Variants in BCAR3 observed in about 807,000 individuals in gnomAD.
The protein encoded by BCAR3 is breast cancer anti-estrogen resistance protein 3.
A neutral mutation model predicts 80.1 loss-of-function variants in BCAR3; 37 were observed. The observed-to-expected ratio is 0.46, with a 90% CI of 0.36 to 0.61. The LOEUF (loss-of-function observed/expected upper bound fraction) is 0.61. BCAR3 is among the 20% of genes least tolerant of loss of function. BCAR3 has a pLI of 0.00. For synonymous variants in BCAR3, 389 were observed against 418.9 expected (o/e 0.93, Z 0.87); for missense variants, 978 against 1,068.2 (o/e 0.92, Z 1.18).
chr1:93,842,030 T>C (rs528425254), intron 2 of BCAR3, among the ~76,000 whole-genome samples: 1 of 152,316 alleles, frequency 6.6e-6, no homozygotes, highest in South Asian at 2.1e-4. Flanking sequence ...GCAGCCTCCC[T>C]GTGTAATTCC....
At chr1:93,566,106 T>C (rs943795175) in intron 11 of BCAR3, among the ~76,000 whole-genome samples, 1 of 152,154 alleles carries the variant, frequency 6.6e-6, no homozygotes, top group Non-Finnish European at 1.5e-5. Context: ...GCCACGGTCT[T>C]ATGTGGAAGG....
At chr1:93,669,365 CTT>C (rs1648096258) in intron 2 of BCAR3, among the ~76,000 whole-genome samples, 1 of 152,222 alleles carries the variant, frequency 6.6e-6, no homozygotes, top group South Asian at 2.1e-4. Flanking sequence ...GACCTTACAT[CTT>C]TGCTTCAACC....
intron 5 of BCAR3, among the ~76,000 whole-genome samples, chr1:93,585,635 G>GTC (rs1447422758): frequency 6.6e-6 from 1 of 152,102 alleles, no homozygotes; most frequent in Non-Finnish European, 1.5e-5. Context: ...CAGAAGAAAA[G>GTC]GTACCCCTTC....
intron 3 of BCAR3, among the ~76,000 whole-genome samples, chr1:93,698,651 T>C (rs1334621342): frequency 6.6e-6 from 1 of 151,974 alleles, no homozygotes; most frequent in Non-Finnish European, 1.5e-5. Context: ...CTGAGTGGGG[T>C]GGAGGATACT....
chr1:93,570,412 C>G (rs889872902), intron 9 of BCAR3, among the ~76,000 whole-genome samples: 1 of 152,158 alleles, frequency 6.6e-6, no homozygotes, highest in Non-Finnish European at 1.5e-5. Context: ...CTCAAGTCCT[C>G]CAAGCATCCA....
At chr1:93,647,514 T>C (rs752888883) in intron 2 of BCAR3, among the ~76,000 whole-genome samples, 2 of 152,218 alleles carry the variant, frequency 1.3e-5, no homozygotes, top group Non-Finnish European at 2.9e-5. Flanking sequence ...GTTACACTAG[T>C]GGCTAGCAGC....
chr1:93,820,662 A>C (rs970341939), intron 2 of BCAR3, among the ~76,000 whole-genome samples: 4 of 152,166 alleles, frequency 2.6e-5, no homozygotes, highest in African/African-American at 9.7e-5. Flanking sequence ...CCAACCTGGA[A>C]GCTCTCTGAA....
At chr1:93,835,936 A>G (rs997134040) in intron 2 of BCAR3, among the ~76,000 whole-genome samples, 38 of 152,312 alleles carry the variant, frequency 2.5e-4, no homozygotes, top group African/African-American at 8.2e-4. Context: ...ACCTCTATAC[A>G]GTCCGGTAAC....
intron 11 of BCAR3, among the ~76,000 whole-genome samples, chr1:93,565,418 G>A (rs1672903904): frequency 1.3e-5 from 2 of 151,994 alleles, no homozygotes. Context: ...CCATTCACGT[G>A]GTCTGGTCTA....
intron 2 of BCAR3, among the ~76,000 whole-genome samples, chr1:93,665,578 C>G (rs1333490837): frequency 6.6e-6 from 1 of 152,134 alleles, no homozygotes; most frequent in Non-Finnish European, 1.5e-5. Context: ...CTCTAGATCT[C>G]TCCTTTGACG....
At chr1:93,697,919 C>T (rs552570020) in intron 3 of BCAR3, among the ~76,000 whole-genome samples, 2 of 152,184 alleles carry the variant, frequency 1.3e-5, no homozygotes, top group African/African-American at 2.4e-5. Flanking sequence ...CAGAGGTTGT[C>T]GTGAGCCGAG....
chr1:93,576,155 A>T (rs1203333325), intron 7 of BCAR3, 26 bp from the exon 8 acceptor site: 1 of 1,579,292 alleles, frequency 6.3e-7, no homozygotes, highest in East Asian at 2.2e-5. Context: ...GTTGAAATAC[A>T]CTGGATCAGG....
At chr1:93,669,881 A>G (rs1648123981) in intron 2 of BCAR3, among the ~76,000 whole-genome samples, 1 of 152,228 alleles carries the variant, frequency 6.6e-6, no homozygotes, top group Admixed American at 6.5e-5. Flanking sequence ...TGTAGGAGCT[A>G]AGCTATGAGA....
intron 2 of BCAR3, among the ~76,000 whole-genome samples, chr1:93,751,493 G>A (rs1651555097): frequency 6.6e-6 from 1 of 152,138 alleles, no homozygotes; most frequent in Non-Finnish European, 1.5e-5. Flanking sequence ...CACCAGAGAG[G>A]TTTCCAGACT....
At chr1:93,677,494 T>A (rs560105883) in intron 1 of BCAR3, among the ~76,000 whole-genome samples, 2 of 152,152 alleles carry the variant, frequency 1.3e-5, no homozygotes, top group Non-Finnish European at 2.9e-5. Flanking sequence ...TAGGTGACTC[T>A]GGTTGTTCTG....
At position 93,592,668 on chromosome 1, in the gene BCAR3, C is replaced by T. The variant is rs1220192577; in HGVS notation, c.358-275G>A. On this transcript the variant is annotated intron_variant, in intron 3 of 11. Transcript: ENST00000260502. This position sits in a 1 kb window ranked among gnomAD's most constrained non-coding sequence, Gnocchi z 4.8. Reference sequence around the variant, plus strand: ...ACTCAAGCAGCTGGGCAGGAAGGGCCAGAGAGATGTACAGACAGCAAGACA... The same window carrying T: ...ACTCAAGCAGCTGGGCAGGAAGGGCTAGAGAGATGTACAGACAGCAAGACA... Among the ~76,000 whole-genome samples, 7 of 152,120 alleles carry T rather than the reference C, an allele frequency of 4.6e-5. No homozygotes were observed. The highest frequency in any genetic ancestry group is 1.7e-4 in the African/African-American group (7 of 41,414).
intron 8 of BCAR3, among the ~76,000 whole-genome samples, 189 bp from the exon 9 acceptor site, chr1:93,572,030 C>T (rs1384140324): frequency 6.6e-6 from 1 of 152,198 alleles, no homozygotes; most frequent in Non-Finnish European, 1.5e-5. Flanking sequence ...TGTGGAGGGC[C>T]AAAGTAGGCC....
intron 3 of BCAR3, among the ~76,000 whole-genome samples, chr1:93,610,394 G>A (rs191316346): frequency 6.8e-4 from 104 of 152,152 alleles, no homozygotes; most frequent in Non-Finnish European, 1.3e-3. Context: ...CTGAAATGCC[G>A]TCCCTATGCC....
intron 2 of BCAR3, among the ~76,000 whole-genome samples, chr1:93,782,989 G>A (rs1011522208): frequency 6.6e-6 from 1 of 152,054 alleles, no homozygotes; most frequent in African/African-American, 2.4e-5. Context: ...CTATAAAAAT[G>A]GACAAAGCAC....
Sources: gnomAD v4.1 joint callset for allele counts (sites outside exome capture counted in the v4.1 genomes callset) on GRCh38, gnomAD v4.1.1 for gene constraint, Gnocchi (gnomAD v3.1) non-coding constraint, MANE v1.5 for transcripts, NCBI Gene and HGNC (gene_info 2026-07-23, HGNC 2026-07-21) for gene names.